Variants in THSD7B observed in about 807,000 individuals in gnomAD.
THSD7B encodes thrombospondin type 1 domain containing 7B.
In THSD7B, 138 loss-of-function variants were observed where a neutral mutation model predicts 213.6. That is an observed-to-expected ratio of 0.65 (90% CI 0.56 to 0.74). The LOEUF (loss-of-function observed/expected upper bound fraction) is 0.74, where lower values mean the gene tolerates loss of function less well. THSD7B is among the 30% of genes least tolerant of loss of function. The pLI is 0.00. For missense variants in THSD7B, 1,931 were observed against 1,991.5 expected (o/e 0.97, Z 0.58); for synonymous variants, 742 against 687.0 (o/e 1.08, Z -1.25).
At chr2:137,117,739 A>G (rs530041486) in intron 5 of THSD7B, among the ~76,000 whole-genome samples, 44 of 152,152 alleles carry the variant, frequency 2.9e-4, no homozygotes, top group African/African-American at 9.4e-4. Flanking sequence ...CTTGGGGGGG[A>G]AAAACAGACT....
intron 1 of THSD7B, among the ~76,000 whole-genome samples, chr2:136,876,425 C>A (rs1683527075): frequency 6.6e-6 from 1 of 152,172 alleles, no homozygotes. Context: ...AATGTCCAGA[C>A]TAAAATCTTT....
intron 10 of THSD7B, among the ~76,000 whole-genome samples, chr2:137,261,332 A>G (rs1445530092): frequency 6.6e-6 from 1 of 152,186 alleles, no homozygotes; most frequent in Non-Finnish European, 1.5e-5. Context: ...CGAAGAAAGA[A>G]GAAATATGCT....
At chr2:137,124,475 G>A (rs1688598816) in intron 5 of THSD7B, among the ~76,000 whole-genome samples, 1 of 152,062 alleles carries the variant, frequency 6.6e-6, no homozygotes, top group Non-Finnish European at 1.5e-5. Flanking sequence ...CTTCATAAGA[G>A]GACATAGTCA....
chr2:136,794,853 A>C (rs1046947333), intron 1 of THSD7B, among the ~76,000 whole-genome samples: 2 of 152,010 alleles, frequency 1.3e-5, no homozygotes, highest in African/African-American at 4.8e-5. Flanking sequence ...AGATTAAAAA[A>C]GAATTAGGAT....
intron 2 of THSD7B, among the ~76,000 whole-genome samples, chr2:137,055,306 G>C (rs187250097): frequency 9.2e-5 from 14 of 152,248 alleles, no homozygotes; most frequent in Admixed American, 6.5e-4. Context: ...TTTATACCCA[G>C]TAATGAGATT....
Position 137,663,502 on chromosome 2 carries a change from T to C in THSD7B, c.4578T>C (p.Ser1526=), listed in dbSNP as rs1246879570. 6.2e-7 allele frequency: 1 copy of C among 1,606,732 alleles called. No individual in the cohort carries two copies. Among genetic ancestry groups the C allele is most frequent in the Admixed American group, 1.7e-5 (1 of 59,164 alleles). ...AAAAAGCTGATGTGAAAAACCTTTC[T>C]GGGAAAAACAGACCTGTGAATTCAA... ...EDKKADVKNL[S]GKNRPVNSKI... is the part of the protein sequence containing the mutation. The change falls in exon 26 of 28, where the codon TCT becomes TCC. Residue 1526 remains serine, a synonymous_variant. Coordinates refer to ENST00000409968, the MANE Select transcript of THSD7B (RefSeq NM_001316349.2).
chr2:137,105,496 A>G (rs1688230262), intron 4 of THSD7B, among the ~76,000 whole-genome samples: 1 of 152,216 alleles, frequency 6.6e-6, no homozygotes, highest in Non-Finnish European at 1.5e-5. Flanking sequence ...AAACCTGCAC[A>G]AGACAAGGAT....
At chr2:137,295,227 A>C (rs997655463) in intron 12 of THSD7B, among the ~76,000 whole-genome samples, 8 of 152,204 alleles carry the variant, frequency 5.3e-5, no homozygotes, top group African/African-American at 1.9e-4. Flanking sequence ...ATCATAACAA[A>C]TGGTAAAGAA....
At chr2:137,361,901 C>T (rs925996966) in intron 12 of THSD7B, among the ~76,000 whole-genome samples, 4 of 152,004 alleles carry the variant, frequency 2.6e-5, no homozygotes, top group African/African-American at 4.8e-5. Flanking sequence ...AGATACTCCT[C>T]GAGAAGAGCA....
At chr2:137,087,793 A>C (rs1433794426) in intron 3 of THSD7B, among the ~76,000 whole-genome samples, 4 of 152,210 alleles carry the variant, frequency 2.6e-5, no homozygotes, top group Non-Finnish European at 5.9e-5. Flanking sequence ...CCAAATTAGA[A>C]AAAACAATTC....
chr2:137,553,473 G>A (rs1573703416), intron 15 of THSD7B, among the ~76,000 whole-genome samples: 1 of 151,882 alleles, frequency 6.6e-6, no homozygotes, highest in Admixed American at 6.6e-5. Context: ...ATGAATGGAG[G>A]CTTATTTAGT....
At chr2:136,886,544 A>G (rs765198286) in intron 2 of THSD7B, among the ~76,000 whole-genome samples, 14 of 152,176 alleles carry the variant, frequency 9.2e-5, no homozygotes, top group Non-Finnish European at 1.9e-4. Flanking sequence ...CTGGTTGTCA[A>G]AACTGGGGGT....
intron 14 of THSD7B, among the ~76,000 whole-genome samples, chr2:137,438,807 C>T (rs1202847920): frequency 6.6e-6 from 1 of 152,112 alleles, no homozygotes; most frequent in Non-Finnish European, 1.5e-5. Context: ...GAAGTTCTGT[C>T]CCTCAGTACC....
At chr2:137,487,734 T>TAAGGTGTTTAGCTGCAGA (rs1573655780) in intron 15 of THSD7B, among the ~76,000 whole-genome samples, 1 of 57,242 alleles carries the variant, frequency 1.7e-5, no homozygotes, top group African/African-American at 5.2e-5. Flanking sequence ...TGAGGTTTCT[T>TAAGGTGTTTAGCTGCAGA]TCTTTTTTTT....
chr2:137,454,095 A>G (rs1336045998), intron 15 of THSD7B, among the ~76,000 whole-genome samples: 4 of 152,320 alleles, frequency 2.6e-5, no homozygotes, highest in Admixed American at 2.0e-4. Flanking sequence ...TCTCTTCAAC[A>G]TACTGATTTC....
intron 12 of THSD7B, among the ~76,000 whole-genome samples, chr2:137,279,578 A>C (rs796724714): frequency 7.9e-5 from 12 of 152,214 alleles, no homozygotes; most frequent in African/African-American, 2.9e-4. Flanking sequence ...TGATCGATGC[A>C]GTGTTCTAAG....
intron 2 of THSD7B, among the ~76,000 whole-genome samples, chr2:137,017,811 G>T (rs2104840368): frequency 6.6e-6 from 1 of 151,920 alleles, no homozygotes; most frequent in Non-Finnish European, 1.5e-5. Context: ...AACTTTTAAA[G>T]ATCACATCAA....
chr2:137,165,771 A>T (rs993412455), intron 6 of THSD7B, among the ~76,000 whole-genome samples: 3 of 151,924 alleles, frequency 2.0e-5, no homozygotes, highest in Non-Finnish European at 4.4e-5. Flanking sequence ...ATACACACAC[A>T]CACACACACA....
chr2:137,468,645 G>A (rs1196548683), intron 15 of THSD7B, among the ~76,000 whole-genome samples: 1 of 92,194 alleles, frequency 1.1e-5, no homozygotes, highest in Non-Finnish European at 2.1e-5. Flanking sequence ...GTGGGGGTGG[G>A]GGCGGTGGGT....
Sources: gnomAD v4.1 joint callset for allele counts (sites outside exome capture counted in the v4.1 genomes callset) on GRCh38, gnomAD v4.1.1 for gene constraint, MANE v1.5 for transcripts, NCBI Gene and HGNC (gene_info 2026-07-23, HGNC 2026-07-21) for gene names.